Variants in ACAN observed in about 807,000 individuals in gnomAD.
The protein encoded by ACAN is aggrecan core protein.
A neutral mutation model predicts 169.1 loss-of-function variants in ACAN; 47 were observed. That is an observed-to-expected ratio of 0.28 (90% CI 0.22 to 0.35). The LOEUF is 0.35. Among genes scored for constraint, ACAN ranks in the 10% least tolerant of loss-of-function variants. The pLI, the probability that ACAN is intolerant of heterozygous loss-of-function variation, is 1.00. For missense variants in ACAN, 2,716 were observed against 2,759.9 expected, an observed-to-expected ratio of 0.98 and a Z score of 0.36; for synonymous variants, 1,115 against 1,112.2, an observed-to-expected ratio of 1.00 and a Z score of -0.05.
chr15:88,806,408 G>C (rs1895684207), intron 1 of ACAN, among the ~76,000 whole-genome samples: 1 of 151,322 alleles, frequency 6.6e-6, no homozygotes, highest in African/African-American at 2.4e-5. Context: ...CTAGAGTGCA[G>C]TGGCCCAATG....
intron 1 of ACAN, among the ~76,000 whole-genome samples, chr15:88,818,904 A>G (rs1230061685): frequency 6.6e-6 from 1 of 152,234 alleles, no homozygotes; most frequent in Non-Finnish European, 1.5e-5. Flanking sequence ...GATTAAGATG[A>G]TAAATTTTAT....
rs1897437040 is a variant in ACAN, at chr15:88,873,741, G to A, written c.7448-101G>A. 1 of 1,269,780 alleles carries A rather than the reference G, an allele frequency of 7.9e-7. No homozygotes were observed. 78.7% of individuals were successfully genotyped at this position (1,269,780 alleles called of 1,614,324 possible). ...TGAAAACGTCCAGGGCTCACTGTCA[G>A]ATGTTGAGGCTGTGTCCCCCACAGT... On this transcript the variant is annotated intron_variant, in intron 17 of 18. Transcript: ENST00000560601. This position sits in a 1 kb window ranked among gnomAD's most constrained non-coding sequence, Gnocchi z 7.5.
chr15:88,865,690 C>A (rs1897268816), intron 13 of ACAN, among the ~76,000 whole-genome samples: 2 of 152,194 alleles, frequency 1.3e-5, no homozygotes, highest in Non-Finnish European at 2.9e-5. Flanking sequence ...TATCCAGGAT[C>A]CATCACTCTG....
chr15:88,873,856 C>T lies in ACAN; in HGVS notation c.7462C>T (p.Pro2488Ser), dbSNP rs375041472. ...CKKGTVACGE[P>S]PVVEHARTFG... ...TTGCCCCTCAGTGGCCTGCGGAGAG[C>T]CCCCTGTGGTGGAGCATGCCAGGAC... Residue 2488 changes from proline (P) to serine (S), a missense_variant, in exon 18 of 19, where the codon CCC becomes TCC. Physicochemically the swap from Pro to Ser is moderately conservative, Grantham distance 74 (BLOSUM62 -1). Around this residue, in one of 3 missense-constraint regions of ACAN, gnomAD observed 1,389 missense variants for 1,363.7 expected, o/e 1.02. Transcript: ENST00000560601. This position sits in a 1 kb window ranked among gnomAD's most constrained non-coding sequence, Gnocchi z 7.5. 4.9e-5 allele frequency: 79 copies of T among 1,613,570 alleles called. No individual in the cohort carries two copies. Among genetic ancestry groups the T allele is most frequent in the Non-Finnish European group, 6.4e-5 (76 of 1,179,868 alleles).
chr15:88,809,749 G>A (rs1895772964), intron 1 of ACAN, among the ~76,000 whole-genome samples: 1 of 152,292 alleles, frequency 6.6e-6, no homozygotes, highest in Admixed American at 6.5e-5. Context: ...GCTGCACCGT[G>A]ACAGCCCCAC....
Position 88,816,979 on chromosome 15 carries a change from C to G in ACAN, c.-8+13170C>G, listed in dbSNP as rs1334762468. Among the ~76,000 whole-genome samples the G allele has an allele frequency of 2.0e-5, 3 of 152,212 alleles. No homozygotes were observed. In the East Asian group the frequency reaches 5.8e-4, roughly 29 times the overall value. ...AGTTTTAACACACCAGGAGCCTACT[C>G]CCTTCCCCACTGAGACTTTCCTTCC... On this transcript the variant is annotated intron_variant, in intron 1 of 18. Transcript: ENST00000560601.
Position 88,838,791 on chromosome 15 carries a change from G to A in ACAN, c.199G>A (p.Ala67Thr), listed in dbSNP as rs182894280. 1.6e-3 allele frequency: 2,603 copies of A among 1,613,870 alleles called. No individual in the cohort carries two copies. The highest frequency in any genetic ancestry group is 2.0e-3 in the Non-Finnish European group (2,393 of 1,179,878). Residue 67 changes from alanine to threonine, a missense_variant, in exon 3 of 19, where the codon GCC (alanine) becomes ACC (threonine). This residue lies in a region of ACAN where 1,283 missense variants were observed against 1,281.5 expected (regional missense o/e 1.00). Transcript: ENST00000560601. The surrounding 1 kb of genome is among the most constrained non-coding windows in gnomAD (Gnocchi z 5.1). ...MHPVTTAPST[A>T]PLAPRIKWSR... Reference sequence around the variant, plus strand: ...CCCTGTGACCACCGCCCCTTCTACCGCCCCACTGGCCCCAAGAATCAAGTG... The same window carrying A: ...CCCTGTGACCACCGCCCCTTCTACCACCCCACTGGCCCCAAGAATCAAGTG...
rs1897475456 is a variant in ACAN, at chr15:88,874,892, AGGAGGGAGGAGGGCTCCAAAGGAGCT to A, written c.*415_*440del. ...ATTTCACCTCCAGGGAGAGCTAGGG[AGGAGGGAGGAGGGCTCCAAAGGAGCT>A]GGAAGGAGCAGAGGCCTGAGAGCAG... On this transcript the variant is annotated 3_prime_UTR_variant, in exon 19 of 19. Coordinates refer to ENST00000560601, the MANE Select transcript of ACAN (RefSeq NM_001369268.1). This position sits in a 1 kb window ranked among gnomAD's most constrained non-coding sequence, Gnocchi z 7.3. 1 of 345,866 alleles carries A rather than the reference AGGAGGGAGGAGGGCTCCAAAGGAGCT, an allele frequency of 2.9e-6. No individual in the cohort carries two copies. The highest frequency in any genetic ancestry group is 5.6e-6 in the Non-Finnish European group (1 of 177,114). The allele number at this position is 345,866 out of a possible 1,614,324, so 21.4% of individuals were successfully genotyped here. A position where few individuals can be genotyped will look rare whatever the true frequency, so the allele number is the denominator to read the frequency against.
At chr15:88,821,715 G>A (rs1896080638) in intron 1 of ACAN, among the ~76,000 whole-genome samples, 1 of 152,156 alleles carries the variant, frequency 6.6e-6, no homozygotes, top group African/African-American at 2.4e-5. Context: ...ATGGGATGAA[G>A]AGGTCTTGTT....
intron 6 of ACAN, among the ~76,000 whole-genome samples, chr15:88,844,581 C>G (rs1253476991): frequency 6.6e-6 from 1 of 152,072 alleles, no homozygotes; most frequent in East Asian, 1.9e-4. Flanking sequence ...CCATGTTGAC[C>G]AGGCTGGTCT....
intron 1 of ACAN, among the ~76,000 whole-genome samples, chr15:88,833,541 C>G (rs1896418423): frequency 6.6e-6 from 1 of 152,122 alleles, no homozygotes; most frequent in Admixed American, 6.6e-5. Flanking sequence ...GCATAAAAGG[C>G]TCAGTGAGTC....
At chr15:88,815,019 T>C (rs1895904010) in intron 1 of ACAN, among the ~76,000 whole-genome samples, 1 of 144,592 alleles carries the variant, frequency 6.9e-6, no homozygotes, top group Admixed American at 6.9e-5. Context: ...TCTTGTCCTG[T>C]GTGGACCCCA....
At position 88,872,170 on chromosome 15, in the gene ACAN, A is replaced by C; in HGVS notation, c.7302+85A>C. 7.7e-6 allele frequency: 9 copies of C among 1,173,820 alleles called. No individual in the cohort carries two copies. The highest frequency in any genetic ancestry group is 6.3e-6 in the Non-Finnish European group (5 of 789,370). 72.7% of individuals were successfully genotyped at this position (1,173,820 alleles called of 1,614,324 possible). ...CTGGAGAGAGATGCATTCAAACCCC[A>C]TGCAGACAGCCGCTTACCAGCTGCT... On this transcript the variant is annotated intron_variant, in intron 16 of 18. Coordinates refer to ENST00000560601, the MANE Select transcript of ACAN (RefSeq NM_001369268.1). This position sits in a 1 kb window ranked among gnomAD's most constrained non-coding sequence, Gnocchi z 5.4.
intron 1 of ACAN, among the ~76,000 whole-genome samples, chr15:88,804,186 C>A (rs1352819824): frequency 6.6e-6 from 1 of 152,160 alleles, no homozygotes; most frequent in Non-Finnish European, 1.5e-5. Flanking sequence ...TTCAAATCCC[C>A]GAGGTGCTAC....
In ACAN at chr15:88,841,836, T is replaced by C. The variant is rs781529260; in HGVS notation, c.726T>C (p.Tyr242=). ...TYGIRDTNET[Y]DVYCFAEEME... ...GCATCCGAGACACCAACGAGACCTA[T>C]GATGTGTACTGCTTCGCCGAGGAGA... The change falls in exon 5 of 19, where the codon TAT becomes TAC. Residue 242 remains tyrosine (Y), a synonymous_variant. Transcript: ENST00000560601. The C allele has an allele frequency of 1.6e-5, 26 of 1,612,992 alleles. No individual in the cohort carries two copies. Among genetic ancestry groups the C allele is most frequent in the Non-Finnish European group, 2.2e-5 (26 of 1,179,616 alleles).
rs766554442 is a variant in ACAN at position 88,858,214 on chromosome 15, C to A, written c.5629C>A (p.Gln1877Lys). The change falls in exon 12 of 19, where the codon CAG (glutamine) becomes AAG (lysine). Residue 1877 changes from glutamine to lysine, a missense_variant. Around this residue, in one of 3 missense-constraint regions of ACAN, gnomAD observed 1,389 missense variants for 1,363.7 expected, o/e 1.02. Transcript: ENST00000560601. This position sits in a 1 kb window ranked among gnomAD's most constrained non-coding sequence, Gnocchi z 4.0. Reference sequence around the variant, plus strand: ...ATCTGGGATGGTGGATGTCAGTGGACAGTTTTCTGGAACAGTCGATTCCAG... The same window carrying A: ...ATCTGGGATGGTGGATGTCAGTGGAAAGTTTTCTGGAACAGTCGATTCCAG... The part of the protein sequence containing the change: ...GKSGMVDVSG[Q>K]FSGTVDSSGF... 6 of 1,613,896 alleles carry A rather than the reference C, an allele frequency of 3.7e-6. No homozygotes were observed. In the South Asian group the frequency reaches 6.6e-5, roughly 18 times the overall value.
chr15:88,827,014 A>G (rs2141533000), intron 1 of ACAN, among the ~76,000 whole-genome samples: 1 of 152,288 alleles, frequency 6.6e-6, no homozygotes, highest in Admixed American at 6.5e-5. Flanking sequence ...CTTCCTATGA[A>G]GACTGTTCTA....
Position 88,847,317 on chromosome 15 carries a change from C to T in ACAN, c.1504C>T (p.Arg502Cys), listed in dbSNP as rs149841431. The T allele has an allele frequency of 5.1e-4, 805 of 1,576,526 alleles. 5 individuals carry two copies. The East Asian group carries it at 0.011, about 21-fold the overall frequency. ...TFEEAQQACL[R>C]TGAVIASPEQ... ...TGAGGAGGCACAGCAGGCCTGCCTG[C>T]GCACGGGGGCGGTCATTGCCTCGCC... The change falls in exon 8 of 19, where the codon CGC becomes TGC. Residue 502 changes from arginine (R) to cysteine (C), a missense_variant. Transcript: ENST00000560601.
intron 10 of ACAN, chr15:88,850,162 T>A (rs745776781): frequency 9.7e-6 from 4 of 414,364 alleles, no homozygotes; most frequent in Non-Finnish European, 1.7e-5. Flanking sequence ...CATATACATA[T>A]CTATATGTAA....
Sources: gnomAD v4.1 joint callset for allele counts (sites outside exome capture counted in the v4.1 genomes callset) on GRCh38, gnomAD v4.1.1 for gene constraint, gnomAD v4.1.1 regional missense constraint, Gnocchi (gnomAD v3.1) non-coding constraint, MANE v1.5 for transcripts, NCBI Gene and HGNC (gene_info 2026-07-23, HGNC 2026-07-21) for gene names.